The following DYNC2I2 variants were observed in gnomAD, a reference collection of about 807,000 sequenced individuals.
The protein encoded by DYNC2I2 is cytoplasmic dynein 2 intermediate chain 2.
DYNC2I2 carries 39 observed loss-of-function variants against 52.0 expected under a neutral mutation model. That is an observed-to-expected ratio of 0.75 (90% CI 0.58 to 0.98). The LOEUF is 0.98. DYNC2I2 is among the 50% of genes least tolerant of loss of function. The pLI, the probability that DYNC2I2 is intolerant of heterozygous loss-of-function variation, is 0.00. For missense variants in DYNC2I2, 743 were observed against 728.4 expected (o/e 1.02, Z -0.23); for synonymous variants, 359 against 321.1 (o/e 1.12, Z -1.26).
chr9:128,654,398 C>T (rs186252549), intron 1 of DYNC2I2, among the ~76,000 whole-genome samples: 1 of 152,232 alleles, frequency 6.6e-6, no homozygotes, highest in East Asian at 1.9e-4. Context: ...AGAGGAAAAA[C>T]ATAAGTCCTT....
At chr9:128,663,952 C>CTTTTTTTT in the DYNC2I2 span, among the ~76,000 whole-genome samples, 2 of 101,998 alleles carry the variant, frequency 2.0e-5, no homozygotes, top group African/African-American at 4.5e-5. Flanking sequence ...TGCACCCAGG[C>CTTTTTTTT]TTTTTTTTTT....
At chr9:128,660,873 G>T (rs906151934), upstream of DYNC2I2, among the ~76,000 whole-genome samples, 1 of 151,458 alleles carries the variant, frequency 6.6e-6, no homozygotes, top group African/African-American at 2.4e-5. Flanking sequence ...GGGACTACAG[G>T]CATGCACCAC....
At chr9:128,648,799 CA>C (rs56801175) in intron 1 of DYNC2I2, among the ~76,000 whole-genome samples, 48 of 132,134 alleles carry the variant, frequency 3.6e-4, no homozygotes, top group African/African-American at 7.0e-4. Context: ...GACTCCGTTT[CA>C]AAAAAAAAAA....
At chr9:128,641,409 A>C (rs1428337907) in intron 1 of DYNC2I2, among the ~76,000 whole-genome samples, 1 of 152,072 alleles carries the variant, frequency 6.6e-6, no homozygotes, top group African/African-American at 2.4e-5. Context: ...GGTAAGCAAC[A>C]GCAGCTTCAG....
chr9:128,683,895 C>T, the DYNC2I2 span: 1 of 1,550,504 alleles, frequency 6.4e-7, no homozygotes, highest in South Asian at 1.2e-5. Flanking sequence ...TCCCTAACAG[C>T]ATGGCCCCTA....
chr9:128,655,503 T>G (rs1386760364), intron 1 of DYNC2I2, among the ~76,000 whole-genome samples: 2 of 73,982 alleles, frequency 2.7e-5, no homozygotes, highest in Non-Finnish European at 6.0e-5. Context: ...AGAGCGAGAC[T>G]CCGTCTCCAA....
chr9:128,651,248 A>G (rs182262275), intron 1 of DYNC2I2: 784 of 59,328 alleles, frequency 0.013, 252 homozygotes, highest in African/African-American at 0.025. Flanking sequence ...AACTACCAGA[A>G]GGGCCGGGGG....
intron 2 of DYNC2I2, among the ~76,000 whole-genome samples, chr9:128,640,086 C>T (rs929908634): frequency 2.0e-5 from 3 of 150,660 alleles, no homozygotes; most frequent in Non-Finnish European, 4.4e-5. Flanking sequence ...CAGCTCACTG[C>T]AAGCTCCACC....
At chr9:128,682,945 G>T in the DYNC2I2 span, among the ~76,000 whole-genome samples, 1 of 151,014 alleles carries the variant, frequency 6.6e-6, no homozygotes, top group Non-Finnish European at 1.5e-5. Flanking sequence ...CAAAGTGCTG[G>T]GATTACAGGC....
chr9:128,644,168 T>G (rs768077217), intron 1 of DYNC2I2, among the ~76,000 whole-genome samples: 1 of 152,052 alleles, frequency 6.6e-6, no homozygotes, highest in Non-Finnish European at 1.5e-5. Context: ...AACCACCCTA[T>G]GAAGTAAATC....
chr9:128,669,090 G>A, the DYNC2I2 span, among the ~76,000 whole-genome samples: 1 of 152,090 alleles, frequency 6.6e-6, no homozygotes, highest in African/African-American at 2.4e-5. Context: ...ATTGGGCCGG[G>A]TGTGGTGGCT....
intron 1 of DYNC2I2, among the ~76,000 whole-genome samples, chr9:128,647,506 C>T (rs569969937): frequency 7.9e-5 from 12 of 152,010 alleles, no homozygotes; most frequent in African/African-American, 2.7e-4. Flanking sequence ...GAGGCCAAGG[C>T]GGGTGGATCA....
chr9:128,659,563 C>T (rs1314198682), upstream of DYNC2I2, among the ~76,000 whole-genome samples: 1 of 150,830 alleles, frequency 6.6e-6, no homozygotes, highest in South Asian at 2.1e-4. Flanking sequence ...CCTAAGAGTT[C>T]GAGATCAGCC....
intron 2 of DYNC2I2, among the ~76,000 whole-genome samples, chr9:128,639,700 C>T (rs1444106782): frequency 6.6e-6 from 1 of 152,090 alleles, no homozygotes; most frequent in Non-Finnish European, 1.5e-5. Flanking sequence ...GAGTCTTGCT[C>T]TGTCACCCAG....
At chr9:128,641,978 C>CAT (rs769632934) in intron 1 of DYNC2I2, among the ~76,000 whole-genome samples, 2 of 131,752 alleles carry the variant, frequency 1.5e-5, no homozygotes, top group African/African-American at 3.7e-5. Context: ...TATATACATA[C>CAT]ACACACACAC....
chr9:128,674,870 G>A, the DYNC2I2 span, among the ~76,000 whole-genome samples: 1 of 152,120 alleles, frequency 6.6e-6, no homozygotes, highest in Non-Finnish European at 1.5e-5. Context: ...GAGCCACCAC[G>A]CCCAGCCAAT....
At chr9:128,657,222 G>T (rs1860850092), upstream of DYNC2I2, among the ~76,000 whole-genome samples, 3 of 152,224 alleles carry the variant, frequency 2.0e-5, no homozygotes, top group African/African-American at 7.2e-5. Context: ...GAATGATGAT[G>T]AAAAATATTC....
chr9:128,648,310 G>A (rs1212481646), intron 1 of DYNC2I2, among the ~76,000 whole-genome samples: 1 of 152,138 alleles, frequency 6.6e-6, no homozygotes, highest in East Asian at 1.9e-4. Context: ...GGGAGGCTGA[G>A]ACAGGAGAAT....
At chr9:128,675,045 A>T in the DYNC2I2 span, among the ~76,000 whole-genome samples, 1 of 152,038 alleles carries the variant, frequency 6.6e-6, no homozygotes, top group Non-Finnish European at 1.5e-5. Context: ...AGCCTTCCTG[A>T]GCGGTCTGTT....
Sources: gnomAD v4.1 joint callset for allele counts (sites outside exome capture counted in the v4.1 genomes callset) on GRCh38, gnomAD v4.1.1 for gene constraint, MANE v1.5 for transcripts, NCBI Gene and HGNC (gene_info 2026-07-23, HGNC 2026-07-21) for gene names.